Variants in CTNNA3 observed in about 807,000 individuals in gnomAD.
The protein encoded by CTNNA3 is catenin alpha 3.
CTNNA3 carries 76 observed loss-of-function variants against 95.7 expected under a neutral mutation model. The observed-to-expected ratio is 0.79, with a 90% CI of 0.66 to 0.96. The LOEUF is 0.96. Ranked by LOEUF, CTNNA3 falls within the 40% of genes least tolerant of loss-of-function variation. The probability of loss-of-function intolerance (pLI) is 0.00; values close to 1 mark genes in which losing one functional copy is unlikely to be tolerated. For missense variants in CTNNA3, 1,191 were observed against 1,089.8 expected (o/e 1.09, Z -1.31); for synonymous variants, 431 against 374.4 (o/e 1.15, Z -1.74).
chr10:67,563,287 C>T (rs937742670), intron 3 of CTNNA3, among the ~76,000 whole-genome samples: 1 of 152,178 alleles, frequency 6.6e-6, no homozygotes, highest in Admixed American at 6.5e-5. Context: ...GGTACCAAAA[C>T]AGAGATATCA....
intron 7 of CTNNA3, among the ~76,000 whole-genome samples, chr10:66,988,987 T>C (rs1344305067): frequency 6.6e-6 from 1 of 151,302 alleles, no homozygotes; most frequent in Non-Finnish European, 1.5e-5. Flanking sequence ...GTCCTCGATG[T>C]TTCCTCTCAC....
chr10:67,198,117 A>T (rs960868833), intron 6 of CTNNA3, among the ~76,000 whole-genome samples: 4 of 152,170 alleles, frequency 2.6e-5, no homozygotes, highest in Non-Finnish European at 4.4e-5. Context: ...ATTTAATTTT[A>T]AATTGAAAAG....
chr10:66,300,927 G>A (rs182881477), intron 12 of CTNNA3, among the ~76,000 whole-genome samples: 31 of 151,580 alleles, frequency 2.0e-4, no homozygotes, highest in African/African-American at 6.5e-4. Context: ...TTACAAGCCC[G>A]TAGCCAGGTT....
rs912555776 is a variant in CTNNA3, at chr10:65,930,222, A to C, written c.2401-9605T>G. Among the ~76,000 whole-genome samples, 458 of 150,288 alleles carry C rather than the reference A, an allele frequency of 3.0e-3. 3 individuals are homozygous for C. Among genetic ancestry groups the C allele is most frequent in the African/African-American group, 0.01 (418 of 40,784 alleles). On this transcript the variant is annotated intron_variant, in intron 17 of 17. Coordinates refer to ENST00000433211, the MANE Select transcript of CTNNA3 (RefSeq NM_013266.4). ...AGTAAAAAAAAAAAAAAAAAAAAAA[A>C]AAAACAGAAACTACTGTAGGTGCTT...
chr10:67,656,671 G>A (rs1343996519), intron 1 of CTNNA3, among the ~76,000 whole-genome samples: 1 of 151,946 alleles, frequency 6.6e-6, no homozygotes, highest in Non-Finnish European at 1.5e-5. Flanking sequence ...CATTGAGAAG[G>A]GGACATCTGA....
chr10:66,876,289 A>C (rs576408348), intron 7 of CTNNA3, among the ~76,000 whole-genome samples: 38 of 152,286 alleles, frequency 2.5e-4, no homozygotes, highest in Non-Finnish European at 1.0e-4. Flanking sequence ...AGGATAAACA[A>C]CGAAACAGAA....
chr10:66,374,233 A>G lies in CTNNA3; in HGVS notation c.1732+4919T>C, dbSNP rs564382726. On this transcript the variant is annotated intron_variant, in intron 12 of 17. Transcript: ENST00000433211. ...GGAGAAACTTGTATGTAAATGGCTGATTATGATCAAAGGCAAAGTGAAATA... is the reference window on the plus strand; with the variant it reads ...GGAGAAACTTGTATGTAAATGGCTGGTTATGATCAAAGGCAAAGTGAAATA... 7.9e-5 allele frequency among the ~76,000 whole-genome samples: 12 copies of G among 152,332 alleles called. No homozygotes were observed. The East Asian group carries it at 2.3e-3, about 29-fold the overall frequency.
intron 7 of CTNNA3, among the ~76,000 whole-genome samples, chr10:66,871,182 G>T (rs4746646): frequency 0.89 from 135,397 of 152,194 alleles, 60,577 homozygotes; most frequent in East Asian, 0.99. Flanking sequence ...GACCATCTTA[G>T]GTTGAAGAAA....
In CTNNA3 at chr10:67,606,402, T is replaced by G. The variant is rs181883059; in HGVS notation, c.292+455A>C. ...TTATGCAAAGCATTTTTTGAAAAGT[T>G]TAGGAAGTCTAAACCTCCAGAAATT... On this transcript the variant is annotated intron_variant, in intron 3 of 17. Transcript: ENST00000433211. 3.4e-3 allele frequency among the ~76,000 whole-genome samples: 520 copies of G among 152,322 alleles called. 4 individuals carry two copies. Among genetic ancestry groups the G allele is most frequent in the South Asian group, 0.014 (67 of 4,830 alleles).
chr10:66,453,411 A>G (rs532897372), intron 11 of CTNNA3, among the ~76,000 whole-genome samples: 1 of 152,224 alleles, frequency 6.6e-6, no homozygotes, highest in African/African-American at 2.4e-5. Context: ...ACTTGGCATC[A>G]GTTGTGAAAG....
intron 7 of CTNNA3, among the ~76,000 whole-genome samples, chr10:67,106,854 G>A (rs1434253629): frequency 1.3e-5 from 2 of 152,114 alleles, no homozygotes; most frequent in African/African-American, 4.8e-5. Context: ...CTCTTGGAAG[G>A]TAAGAAAATT....
chr10:66,317,322 A>G (rs912158950), intron 12 of CTNNA3, among the ~76,000 whole-genome samples: 2 of 152,016 alleles, frequency 1.3e-5, no homozygotes, highest in Non-Finnish European at 1.5e-5. Context: ...CCATTTCTAC[A>G]TAATTCCTCA....
At chr10:67,270,116 C>A (rs1322628007) in intron 5 of CTNNA3, among the ~76,000 whole-genome samples, 5 of 148,546 alleles carry the variant, frequency 3.4e-5, no homozygotes, top group Non-Finnish European at 5.9e-5. Flanking sequence ...ATAATTTACA[C>A]CACCAGTATT....
intron 12 of CTNNA3, among the ~76,000 whole-genome samples, chr10:66,314,784 A>C (rs746602565): frequency 1.7e-4 from 26 of 152,118 alleles, no homozygotes; most frequent in Non-Finnish European, 3.2e-4. Context: ...AATACTTATA[A>C]ATTTCAAGCC....
At chr10:66,454,341 T>A (rs974737645) in intron 11 of CTNNA3, among the ~76,000 whole-genome samples, 4 of 152,120 alleles carry the variant, frequency 2.6e-5, no homozygotes, top group African/African-American at 9.7e-5. Flanking sequence ...GATAAGACTC[T>A]AGCAAGATTG....
intron 6 of CTNNA3, among the ~76,000 whole-genome samples, chr10:67,216,127 TCTGA>T (rs373707215): frequency 6.6e-6 from 1 of 152,172 alleles, no homozygotes; most frequent in African/African-American, 2.4e-5. Flanking sequence ...TAAATGCTAA[TCTGA>T]CTAACAGAGA....
intron 15 of CTNNA3, among the ~76,000 whole-genome samples, chr10:66,001,495 T>C (rs2078768648): frequency 6.6e-6 from 1 of 152,182 alleles, no homozygotes; most frequent in Non-Finnish European, 1.5e-5. Flanking sequence ...AAATAAGTTT[T>C]GTCTGCATCC....
chr10:66,827,080 G>A (rs1338337067), intron 7 of CTNNA3, among the ~76,000 whole-genome samples: 2 of 152,142 alleles, frequency 1.3e-5, no homozygotes, highest in East Asian at 3.9e-4. Flanking sequence ...GTGCATAAGA[G>A]ACCACAACCT....
intron 6 of CTNNA3, among the ~76,000 whole-genome samples, chr10:67,182,082 G>A (rs967545285): frequency 6.6e-6 from 1 of 152,086 alleles, no homozygotes; most frequent in African/African-American, 2.4e-5. Context: ...TCATGGGTAG[G>A]AAGAATCAAT....
Sources: gnomAD v4.1 joint callset for allele counts (sites outside exome capture counted in the v4.1 genomes callset) on GRCh38, gnomAD v4.1.1 for gene constraint, MANE v1.5 for transcripts, NCBI Gene and HGNC (gene_info 2026-07-23, HGNC 2026-07-21) for gene names.